RXFP2: variants seen among roughly 807,000 people sequenced by gnomAD.
The protein encoded by RXFP2 is relaxin family peptide receptor 2.
A neutral mutation model predicts 88.6 loss-of-function variants in RXFP2; 68 were observed. The ratio of observed to expected loss-of-function variants is 0.77; its 90% CI spans 0.63 to 0.94. The LOEUF is 0.94. Among genes scored for constraint, RXFP2 ranks in the 40% least tolerant of loss-of-function variants. RXFP2 has a pLI of 0.00. For synonymous variants in RXFP2, 329 were observed against 306.8 expected (o/e 1.07, Z -0.76); for missense variants, 791 against 893.9 (o/e 0.88, Z 1.47).
intron 9 of RXFP2, 72 bp downstream of exon 9, chr13:31,778,655 G>C: frequency 9.5e-7 from 1 of 1,052,682 alleles, no homozygotes; most frequent in Non-Finnish European, 1.5e-6. Context: ...TTAATTCAAG[G>C]TTACCTAGAA....
Position 31,786,610 on chromosome 13 carries a change from T to C in RXFP2, c.1046T>C (p.Phe349Ser), listed in dbSNP as rs1165236361. 6.2e-7 allele frequency: 1 copy of C among 1,604,390 alleles called. No individual in the cohort carries two copies. Among genetic ancestry groups the C allele is most frequent in the Non-Finnish European group, 8.5e-7 (1 of 1,171,614 alleles). ...NPLMYLHKNQFESLKQLQSLD... is the reference protein window; with the variant it reads ...NPLMYLHKNQSESLKQLQSLD... ...CTTATGTATCTTCACAAGAACCAGT[T>C]TGAAAGTCTTAAACAACTTCAGTCT... Residue 349 changes from phenylalanine to serine, a missense_variant, in exon 13 of 18, where the codon TTT becomes TCT. Coordinates refer to ENST00000298386, the MANE Select transcript of RXFP2 (RefSeq NM_130806.5).
intron 1 of RXFP2, among the ~76,000 whole-genome samples, chr13:31,752,714 C>T (rs9548955): frequency 0.18 from 27,595 of 152,038 alleles, 2,469 homozygotes; most frequent in Middle Eastern, 0.24. Flanking sequence ...GAAGTAGGGG[C>T]AGGCTCTGGC....
At chr13:31,789,546 A>T (rs1873702719) in intron 14 of RXFP2, among the ~76,000 whole-genome samples, 1 of 152,224 alleles carries the variant, frequency 6.6e-6, no homozygotes, top group African/African-American at 2.4e-5. Context: ...GGCTGCTCTA[A>T]GATTTGAGCC....
At chr13:31,752,259 AG>A (rs1296808305) in intron 1 of RXFP2, among the ~76,000 whole-genome samples, 3 of 152,106 alleles carry the variant, frequency 2.0e-5, no homozygotes, top group Admixed American at 6.5e-5. Flanking sequence ...CTGAAGAAGG[AG>A]GGGGGTAATA....
At chr13:31,745,865 G>A (rs1284557136) in intron 1 of RXFP2, among the ~76,000 whole-genome samples, 1 of 152,180 alleles carries the variant, frequency 6.6e-6, no homozygotes, top group Non-Finnish European at 1.5e-5. Context: ...GATTGGATAT[G>A]GGTGAACATA....
Position 31,781,542 on chromosome 13 carries a change from T to C in RXFP2, c.786-129T>C, listed in dbSNP as rs185684640. The C allele has an allele frequency of 1.6e-5, 10 of 614,368 alleles. No homozygotes were observed. The East Asian group carries it at 2.1e-4, about 13-fold the overall frequency. The allele number at this position is 614,368 out of a possible 1,614,324, so 38.1% of individuals were successfully genotyped here. On this transcript the variant is annotated intron_variant, in intron 9 of 17. Transcript: ENST00000298386. The stretch of plus-strand genomic sequence containing the variant: ...AATATTAGTTATACTAACCTTGCAA[T>C]AATTAGGAGGAAAGATAGTAACAAC...
At chr13:31,789,012 T>C in intron 13 of RXFP2, 110 bp from the exon 14 acceptor site, 2 of 756,366 alleles carry the variant, frequency 2.6e-6, no homozygotes, top group Non-Finnish European at 4.7e-6. Context: ...CATTCTAATC[T>C]GCATTGGTAA....
chr13:31,767,288 C>T (rs535429226), intron 5 of RXFP2, among the ~76,000 whole-genome samples: 9 of 152,240 alleles, frequency 5.9e-5, no homozygotes, highest in East Asian at 1.9e-4. Context: ...CCTCTGTAAA[C>T]CCCGGCTGCT....
At chr13:31,757,308 C>T (rs980578363) in intron 1 of RXFP2, among the ~76,000 whole-genome samples, 3 of 152,186 alleles carry the variant, frequency 2.0e-5, no homozygotes, top group Non-Finnish European at 4.4e-5. Flanking sequence ...CCCTGTGTCA[C>T]TTCCCAGACA....
At chr13:31,763,825 A>G (rs888810830) in intron 3 of RXFP2, among the ~76,000 whole-genome samples, 1 of 152,142 alleles carries the variant, frequency 6.6e-6, no homozygotes, top group Non-Finnish European at 1.5e-5. Flanking sequence ...CCACTATTTC[A>G]ATGGTGGTTA....
intron 1 of RXFP2, among the ~76,000 whole-genome samples, chr13:31,752,795 C>A (rs965075136): frequency 2.0e-4 from 31 of 152,106 alleles, no homozygotes; most frequent in Admixed American, 1.8e-3. Flanking sequence ...AGTGCTGCTG[C>A]CCCCCTCAGA....
intron 1 of RXFP2, among the ~76,000 whole-genome samples, chr13:31,757,005 C>G (rs867208652): frequency 6.6e-6 from 1 of 152,170 alleles, no homozygotes; most frequent in Non-Finnish European, 1.5e-5. Flanking sequence ...AGTATCCTCT[C>G]AAAATTGAAA....
intron 1 of RXFP2, among the ~76,000 whole-genome samples, chr13:31,748,613 C>T (rs924879642): frequency 1.3e-5 from 2 of 152,100 alleles, no homozygotes; most frequent in South Asian, 2.1e-4. Context: ...GACACCTATA[C>T]GTTTGTTAAT....
chr13:31,755,190 T>C (rs1198680208), intron 1 of RXFP2, among the ~76,000 whole-genome samples: 6 of 152,168 alleles, frequency 3.9e-5, no homozygotes, highest in Non-Finnish European at 1.5e-5. Flanking sequence ...GGTCTGAGTG[T>C]CTCTGAGGTG....
chr13:31,739,650 T>A lies in RXFP2; in HGVS notation c.38T>A (p.Leu13His). 6.2e-7 allele frequency: 1 copy of A among 1,609,274 alleles called. No individual in the cohort carries two copies. The highest frequency in any genetic ancestry group is 8.5e-7 in the Non-Finnish European group (1 of 1,175,632). Residue 13 changes from leucine to histidine, a missense_variant, in exon 1 of 18, where the codon CTC becomes CAC. Coordinates refer to ENST00000298386, the MANE Select transcript of RXFP2 (RefSeq NM_130806.5). ...VFLVFKHLFS[L>H]RLITMFFLLH... Reference sequence around the variant, plus strand: ...CTGGTTTTTAAACATCTCTTCAGCCTCAGATTGATTACAATGTTCTTTCTA... The same window carrying A: ...CTGGTTTTTAAACATCTCTTCAGCCACAGATTGATTACAATGTTCTTTCTA...
chr13:31,774,898 T>C (rs1872876721), intron 6 of RXFP2, among the ~76,000 whole-genome samples: 2 of 152,212 alleles, frequency 1.3e-5, no homozygotes, highest in African/African-American at 4.8e-5. Flanking sequence ...CTTAACCTTG[T>C]CTTCTCTAGC....
chr13:31,745,406 A>G (rs536604739), intron 1 of RXFP2, among the ~76,000 whole-genome samples: 1 of 152,100 alleles, frequency 6.6e-6, no homozygotes, highest in South Asian at 2.1e-4. Context: ...TGGTATCACC[A>G]CTTCTTTCCT....
At chr13:31,747,262 C>T (rs1364252038) in intron 1 of RXFP2, among the ~76,000 whole-genome samples, 2 of 152,166 alleles carry the variant, frequency 1.3e-5, no homozygotes, top group Admixed American at 6.5e-5. Flanking sequence ...CCCCATCCTA[C>T]ATAGATTCCA....
At chr13:31,766,192 C>T (rs908781850) in intron 5 of RXFP2, among the ~76,000 whole-genome samples, 165 bp downstream of exon 5, 21 of 152,010 alleles carry the variant, frequency 1.4e-4, no homozygotes, top group African/African-American at 5.1e-4. Context: ...TGTTATCTTT[C>T]CATTTCATAA....
Sources: allele counts gnomAD v4.1 joint callset (sites outside exome capture counted in the v4.1 genomes callset), GRCh38; gene constraint gnomAD v4.1.1; transcripts MANE v1.5; gene names NCBI Gene and HGNC (gene_info 2026-07-23, HGNC 2026-07-21).